The following ASCC3 variants were observed in gnomAD, a reference collection of about 807,000 sequenced individuals.
ASCC3 encodes ASC-1 complex subunit P200.
A neutral mutation model predicts 256.3 loss-of-function variants in ASCC3; 158 were observed. That is an observed-to-expected ratio of 0.62 (90% CI 0.54 to 0.70). The LOEUF is 0.70. ASCC3 is among the 30% of genes least tolerant of loss of function. The pLI, the probability that ASCC3 is intolerant of heterozygous loss-of-function variation, is 0.00. For missense variants in ASCC3, 2,259 were observed against 2,626.0 expected (o/e 0.86, Z 3.05); for synonymous variants, 948 against 883.4 (o/e 1.07, Z -1.30).
intron 8 of ASCC3, among the ~76,000 whole-genome samples, chr6:100,792,120 C>G (rs1417910215): frequency 6.6e-6 from 1 of 151,806 alleles, no homozygotes; most frequent in Non-Finnish European, 1.5e-5. Context: ...GATAGAAAAA[C>G]TAAATCTCAA....
intron 8 of ASCC3, among the ~76,000 whole-genome samples, chr6:100,793,912 T>A (rs1769474983): frequency 6.6e-6 from 1 of 151,974 alleles, no homozygotes; most frequent in Non-Finnish European, 1.5e-5. Flanking sequence ...TTCCTATTCC[T>A]CACCTTAGTA....
intron 4 of ASCC3, among the ~76,000 whole-genome samples, chr6:100,811,159 G>T (rs1419219983): frequency 6.6e-6 from 1 of 152,022 alleles, no homozygotes; most frequent in Non-Finnish European, 1.5e-5. Flanking sequence ...TGAATGATAG[G>T]CCCATTTGTC....
intron 13 of ASCC3, among the ~76,000 whole-genome samples, chr6:100,701,698 G>T (rs1236306226): frequency 6.6e-6 from 1 of 152,060 alleles, no homozygotes; most frequent in Non-Finnish European, 1.5e-5. Flanking sequence ...TAAAACTATA[G>T]CTGGAATTAC....
intron 34 of ASCC3, among the ~76,000 whole-genome samples, chr6:100,590,468 G>C (rs1771948871): frequency 1.3e-5 from 2 of 152,060 alleles, no homozygotes; most frequent in African/African-American, 4.8e-5. Flanking sequence ...ATGGCCTCTA[G>C]GGATCTGTGC....
At chr6:100,842,987 A>G (rs1486696523) in intron 4 of ASCC3, among the ~76,000 whole-genome samples, 1 of 152,188 alleles carries the variant, frequency 6.6e-6, no homozygotes, top group Non-Finnish European at 1.5e-5. Flanking sequence ...AAAGAATAAT[A>G]AGAAAGACTA....
At chr6:100,719,436 AT>A (rs1779222033) in intron 11 of ASCC3, among the ~76,000 whole-genome samples, 4 of 151,856 alleles carry the variant, frequency 2.6e-5, no homozygotes, top group African/African-American at 7.3e-5. Context: ...TGAAAGTGAT[AT>A]TTGGTTTTAA....
intron 8 of ASCC3, among the ~76,000 whole-genome samples, chr6:100,784,731 T>C (rs755221173): frequency 6.6e-6 from 1 of 151,756 alleles, no homozygotes; most frequent in Non-Finnish European, 1.5e-5. Context: ...TATTTTATAT[T>C]ATAAATGTAG....
At chr6:100,539,412 T>C (rs1775331212) in intron 37 of ASCC3, among the ~76,000 whole-genome samples, 1 of 152,202 alleles carries the variant, frequency 6.6e-6, no homozygotes, top group Non-Finnish European at 1.5e-5. Context: ...CAACAGACAT[T>C]TTATGTTGAT....
At chr6:100,857,428 T>C (rs1413224310) in intron 3 of ASCC3, 1 of 151,660 alleles carries the variant, frequency 6.6e-6, no homozygotes, top group African/African-American at 2.4e-5. Context: ...TACTTTTTGT[T>C]CTCTGTTTGA....
chr6:100,533,429 C>T (rs559071153), intron 37 of ASCC3, among the ~76,000 whole-genome samples: 1 of 152,264 alleles, frequency 6.6e-6, no homozygotes, highest in East Asian at 1.9e-4. Flanking sequence ...TCTTAAAATA[C>T]ATACAAGTGT....
intron 37 of ASCC3, among the ~76,000 whole-genome samples, chr6:100,529,068 T>C (rs1213705715): frequency 6.6e-6 from 1 of 152,072 alleles, no homozygotes; most frequent in East Asian, 1.9e-4. Context: ...GTGGTGGTGG[T>C]GGTGGTTAGA....
At chr6:100,855,757 T>C (rs568008768) in intron 3 of ASCC3, among the ~76,000 whole-genome samples, 1 of 152,342 alleles carries the variant, frequency 6.6e-6, no homozygotes, top group Admixed American at 6.5e-5. Context: ...TTAGCACATC[T>C]AAGTTATAAT....
chr6:100,725,556 C>T lies in ASCC3; in HGVS notation c.1885G>A (p.Ala629Thr). Reference protein sequence around the residue: ...DRGPVLESIVARTLRQVESTQ... With the variant: ...DRGPVLESIVTRTLRQVESTQ... ...CCTCTTACCTGCCGTAAAGTACGGG[C>T]AACTATGCTTTCTAATACTGGTCCT... The change falls in exon 11 of 42, where the codon GCC becomes ACC. Residue 629 changes from alanine (A) to threonine (T), a missense_variant. This residue lies in a region of ASCC3 where 1,839 missense variants were observed against 2,206.7 expected (regional missense o/e 0.83). Coordinates refer to ENST00000369162, the MANE Select transcript of ASCC3 (RefSeq NM_006828.4). 3 of 1,612,490 alleles carry T rather than the reference C, an allele frequency of 1.9e-6. No individual in the cohort carries two copies. The highest frequency in any genetic ancestry group is 2.5e-6 in the Non-Finnish European group (3 of 1,178,914).
At chr6:100,687,818 C>T (rs1405830634) in intron 13 of ASCC3, among the ~76,000 whole-genome samples, 1 of 151,990 alleles carries the variant, frequency 6.6e-6, no homozygotes, top group East Asian at 1.9e-4. Context: ...AAGAAATCAA[C>T]AGCAGTTCAA....
intron 13 of ASCC3, among the ~76,000 whole-genome samples, chr6:100,700,248 T>A (rs1318256892): frequency 6.6e-6 from 1 of 152,004 alleles, no homozygotes; most frequent in Non-Finnish European, 1.5e-5. Context: ...GCTCCAGCTA[T>A]GGCCCCAAGT....
intron 14 of ASCC3, among the ~76,000 whole-genome samples, chr6:100,677,337 T>TAAAAAAAAAAAA (rs879435725): frequency 3.3e-4 from 48 of 147,542 alleles, no homozygotes; most frequent in East Asian, 3.2e-3. Flanking sequence ...CTATTTTATT[T>TAAAAAAAAAAAA]AAAAAAAAAA....
Position 100,627,600 on chromosome 6 carries a change from A to G in ASCC3, c.4632T>C (p.Pro1544=). Residue 1544 remains proline (P), a synonymous_variant, in exon 29 of 42, where the codon CCT becomes CCC. Transcript: ENST00000369162. The part of the protein sequence containing the change: ...YCPRMASMNK[P]AFQAIRSHSP... ...GAATCTGAAGCTTACCCTGAAATGC[A>G]GGCTTGTTCATACTAGCCATACGAG... 1.2e-6 allele frequency: 2 copies of G among 1,613,460 alleles called. No homozygotes were observed. The highest frequency in any genetic ancestry group is 2.2e-5 in the South Asian group (2 of 91,074).
At chr6:100,635,454 T>C (rs1475498493) in intron 25 of ASCC3, among the ~76,000 whole-genome samples, 1 of 152,092 alleles carries the variant, frequency 6.6e-6, no homozygotes, top group Non-Finnish European at 1.5e-5. Flanking sequence ...AATGAGGAGA[T>C]ACTGGTCAAC....
rs146533853 is a variant in ASCC3 at position 100,722,383 on chromosome 6, A to G, written c.1902+3156T>C. Among the ~76,000 whole-genome samples the G allele has an allele frequency of 9.2e-5, 14 of 151,570 alleles. No homozygotes were observed. In the East Asian group the frequency reaches 2.7e-3, roughly 29 times the overall value. On this transcript the variant is annotated intron_variant, in intron 11 of 41. Coordinates refer to ENST00000369162, the MANE Select transcript of ASCC3 (RefSeq NM_006828.4). Reference sequence around the variant, plus strand: ...CTAATTCTATGAAGAATGACATCCAAACTTCAGCATCATGCAATATACCCA... The same window carrying G: ...CTAATTCTATGAAGAATGACATCCAGACTTCAGCATCATGCAATATACCCA...
Sources: allele counts gnomAD v4.1 joint callset (sites outside exome capture counted in the v4.1 genomes callset), GRCh38; gene constraint gnomAD v4.1.1; regional missense constraint gnomAD v4.1.1; transcripts MANE v1.5; gene names NCBI Gene and HGNC (gene_info 2026-07-23, HGNC 2026-07-21).